Variants in ZNF595 observed in about 807,000 individuals in gnomAD.
The protein encoded by ZNF595 is zinc finger protein 595.
A neutral mutation model predicts 19.4 loss-of-function variants in ZNF595; 9 were observed. The ratio of observed to expected loss-of-function variants is 0.46; its 90% CI spans 0.28 to 0.81. The LOEUF (loss-of-function observed/expected upper bound fraction) is 0.81. Among genes scored for constraint, ZNF595 ranks in the 30% least tolerant of loss-of-function variants. The pLI, the probability that ZNF595 is intolerant of heterozygous loss-of-function variation, is 0.11. For synonymous variants in ZNF595, 255 were observed against 255.9 expected (o/e 1.00, Z 0.03); for missense variants, 729 against 736.0 (o/e 0.99, Z 0.11).
chr4:80,836 T>C (rs1175333797), intron 3 of ZNF595, among the ~76,000 whole-genome samples: 1 of 151,052 alleles, frequency 6.6e-6, no homozygotes, highest in Non-Finnish European at 1.5e-5. Flanking sequence ...CCTGACAATT[T>C]AAGTTCTGGG....
chr4:83,670 G>A (rs1480645288), intron 3 of ZNF595, among the ~76,000 whole-genome samples: 1 of 146,210 alleles, frequency 6.8e-6, no homozygotes, highest in Non-Finnish European at 1.5e-5. Flanking sequence ...AAAACAAGTT[G>A]TATCTTGTTT....
At chr4:80,740 C>T (rs1253395795) in intron 3 of ZNF595, among the ~76,000 whole-genome samples, 1 of 150,338 alleles carries the variant, frequency 6.7e-6, no homozygotes, top group Non-Finnish European at 1.5e-5. Context: ...TCAGTTAAGG[C>T]AGGAAGCAGC....
At chr4:77,065 GC>G (rs1262011612) in intron 3 of ZNF595, among the ~76,000 whole-genome samples, 4 of 151,648 alleles carry the variant, frequency 2.6e-5, no homozygotes, top group African/African-American at 9.7e-5. Flanking sequence ...CCCTGAACAT[GC>G]TAAAATATGT....
rs1714242878 is a variant in ZNF595 at position 87,092 on chromosome 4, C to CA, written c.1589dup (p.His530GlnfsTer3). The stretch of plus-strand genomic sequence containing the variant: ...AGGCCTTATTATACACAGGAGCATT[C>CA]ATTCTGAACAAAAACTTTACAAATG... On this transcript the variant is annotated frameshift_variant, in exon 4 of 4. Coordinates refer to ENST00000610261, the MANE Select transcript of ZNF595 (RefSeq NM_182524.4). LOFTEE classifies it high-confidence loss of function. 6.2e-7 allele frequency: 1 copy of CA among 1,613,830 alleles called. No homozygotes were observed. Among genetic ancestry groups the CA allele is most frequent in the Non-Finnish European group, 8.5e-7 (1 of 1,179,936 alleles).
At chr4:54,765 G>A (rs1163832881) in intron 1 of ZNF595, among the ~76,000 whole-genome samples, 3 of 152,172 alleles carry the variant, frequency 2.0e-5, no homozygotes, top group East Asian at 3.9e-4. Flanking sequence ...CCAGGCTTCC[G>A]GACCACCTGA....
chr4:82,434 A>G (rs2108761418), intron 3 of ZNF595, among the ~76,000 whole-genome samples: 1 of 120,066 alleles, frequency 8.3e-6, no homozygotes, highest in African/African-American at 3.1e-5. Context: ...CCCAAGCTGG[A>G]GTGCAACAGC....
intron 3 of ZNF595, among the ~76,000 whole-genome samples, chr4:84,901 C>T (rs61447907): frequency 0.27 from 40,277 of 151,912 alleles, 6,046 homozygotes; most frequent in South Asian, 0.41. Context: ...ATCTTCATTT[C>T]TTATGGTTGT....
rs371986253 is a variant in ZNF595 at position 87,111 on chromosome 4, A to G, written c.1607A>G (p.Tyr536Cys). ...HRSIHSEQKL[Y>C]KCEECGKAFT... ...AGCATTCATTCTGAACAAAAACTTT[A>G]CAAATGTGAAGAATGTGGCAAAGCC... Residue 536 changes from tyrosine to cysteine, a missense_variant, in exon 4 of 4, where the codon TAC becomes TGC. This residue lies in a region of ZNF595 where 729 missense variants were observed against 675.3 expected (regional missense o/e 1.08). Coordinates refer to ENST00000610261, the MANE Select transcript of ZNF595 (RefSeq NM_182524.4). 1.2e-5 allele frequency: 20 copies of G among 1,613,926 alleles called. No individual in the cohort carries two copies. The African/African-American group carries it at 2.3e-4, about 18-fold the overall frequency.
chr4:87,436 C>T lies in ZNF595; in HGVS notation c.1932C>T (p.Gly644=). The change falls in exon 4 of 4, where the codon GGC becomes GGT. Residue 644 remains glycine, a synonymous_variant. Coordinates refer to ENST00000610261, the MANE Select transcript of ZNF595 (RefSeq NM_182524.4). Reference sequence around the variant, plus strand: ...CTGTACACAAGCGAATTCATACTGGCAAGGAACATAGTTGAATGACATTTC... The same window carrying T: ...CTGTACACAAGCGAATTCATACTGGTAAGGAACATAGTTGAATGACATTTC... ...TLTVHKRIHT[G]KEHS The T allele has an allele frequency of 6.3e-7, 1 of 1,591,050 alleles. No individual in the cohort carries two copies. Among genetic ancestry groups the T allele is most frequent in the Non-Finnish European group, 8.6e-7 (1 of 1,168,594 alleles).
chr4:86,024 A>G lies in ZNF595; in HGVS notation c.520A>G (p.Lys174Glu). 6.2e-7 allele frequency: 1 copy of G among 1,609,488 alleles called. No individual in the cohort carries two copies. Among genetic ancestry groups the G allele is most frequent in the Non-Finnish European group, 8.5e-7 (1 of 1,177,288 alleles). ...AAGACATACTGGAGAGAAACCCTTT[A>G]AATGTACAGAATGTGGCAGATCGTT... The part of the protein sequence containing the change: ...KIRHTGEKPF[K>E]CTECGRSFYM... The change falls in exon 4 of 4, where the codon AAA (lysine) becomes GAA (glutamate). Residue 174 changes from lysine (K) to glutamate (E), a missense_variant. Lys to Glu is a moderately conservative substitution (Grantham distance 56, BLOSUM62 1). Transcript: ENST00000610261.
intron 3 of ZNF595, among the ~76,000 whole-genome samples, chr4:84,006 ATACT>A (rs1227929669): frequency 1.3e-5 from 2 of 152,082 alleles, no homozygotes; most frequent in African/African-American, 2.4e-5. Context: ...ATCCATACAG[ATACT>A]TACTTTTTGG....
intron 3 of ZNF595, among the ~76,000 whole-genome samples, chr4:69,626 G>A (rs1347684698): frequency 2.0e-5 from 3 of 152,026 alleles, no homozygotes; most frequent in Non-Finnish European, 2.9e-5. Flanking sequence ...TGTGCCTTAC[G>A]TATTCTGGTT....
chr4:54,881 C>T (rs1413730958), intron 1 of ZNF595, among the ~76,000 whole-genome samples: 3 of 152,382 alleles, frequency 2.0e-5, no homozygotes, highest in East Asian at 1.9e-4. Flanking sequence ...CCTGCTCCCA[C>T]TCATGGCTTT....
intron 3 of ZNF595, among the ~76,000 whole-genome samples, chr4:81,378 T>C (rs1054941710): frequency 3.3e-5 from 5 of 152,208 alleles, no homozygotes; most frequent in Non-Finnish European, 7.4e-5. Context: ...TTGTATACAA[T>C]GGTGATTTTA....
chr4:66,312 C>T (rs1487326235), intron 3 of ZNF595, among the ~76,000 whole-genome samples: 1 of 150,112 alleles, frequency 6.7e-6, no homozygotes, highest in Non-Finnish European at 1.5e-5. Context: ...CATCTCTTGT[C>T]TATTAGTCAT....
intron 3 of ZNF595, among the ~76,000 whole-genome samples, chr4:72,380 A>G (rs1256570584): frequency 6.6e-6 from 1 of 152,052 alleles, no homozygotes; most frequent in South Asian, 2.1e-4. Flanking sequence ...AATAGGAAAA[A>G]TTTTCTTCTT....
chr4:87,419 A>T lies in ZNF595; in HGVS notation c.1915A>T (p.Lys639Ter). The T allele has an allele frequency of 6.2e-7, 1 of 1,604,008 alleles. No homozygotes were observed. The highest frequency in any genetic ancestry group is 8.5e-7 in the Non-Finnish European group (1 of 1,175,192). ...FNRPSTLTVHKRIHTGKEHS is the reference protein window; with the variant it reads ...FNRPSTLTVH ...TCGGCCCTCAACCCTTACTGTACAC[A>T]AGCGAATTCATACTGGCAAGGAACA... Residue 639 changes from lysine to a stop codon, truncating the protein, a stop_gained, in exon 4 of 4, where the codon AAG becomes TAG. Transcript: ENST00000610261. LOFTEE classifies it high-confidence loss of function.
chr4:86,551 TA>T lies in ZNF595; in HGVS notation c.1049del (p.Asn350ThrfsTer118). On this transcript the variant is annotated frameshift_variant, in exon 4 of 4. Transcript: ENST00000610261. LOFTEE classifies it high-confidence loss of function. The part of the protein sequence containing the change: ...YTCEKCGKAF[N>X]QSSSLIIHRS... ...CATGTGAAAAATGTGGCAAAGCTTT[TA>T]ACCAATCCTCAAGTCTTATTATACA... is the stretch of plus-strand genomic sequence containing the variant. 6.2e-7 allele frequency: 1 copy of T among 1,613,758 alleles called. No individual in the cohort carries two copies. The highest frequency in any genetic ancestry group is 1.3e-5 in the African/African-American group (1 of 74,962).
Position 88,110 on chromosome 4 carries a change from A to G in ZNF595, c.*659A>G, listed in dbSNP as rs1714318471. 6.6e-6 allele frequency: 1 copy of G among 152,178 alleles called. No homozygotes were observed. The highest frequency in any genetic ancestry group is 6.5e-5 in the Admixed American group (1 of 15,278). The allele number at this position is 152,178 out of a possible 1,614,324, so 9.4% of individuals were successfully genotyped here. On this transcript the variant is annotated 3_prime_UTR_variant, in exon 4 of 4. Transcript: ENST00000610261. ...ATATGAGTATAATTATAATTCACAC[A>G]TTTCTAAGTCATGAATGCTTTTAAA...
Sources: allele counts gnomAD v4.1 joint callset (sites outside exome capture counted in the v4.1 genomes callset), GRCh38; gene constraint gnomAD v4.1.1; regional missense constraint gnomAD v4.1.1; transcripts MANE v1.5; gene names NCBI Gene and HGNC (gene_info 2026-07-23, HGNC 2026-07-21).